The following EDA variants were observed in gnomAD, a reference collection of about 807,000 sequenced individuals.
The protein encoded by EDA is ectodysplasin A.
In EDA, 2 loss-of-function variants were observed where a neutral mutation model predicts 23.6. The ratio of observed to expected loss-of-function variants is 0.08; its 90% CI spans 0.03 to 0.27. The LOEUF is 0.27. Among genes scored for constraint, EDA ranks in the 10% least tolerant of loss-of-function variants. The probability of loss-of-function intolerance (pLI) is 1.00; values close to 1 mark genes in which losing one functional copy is unlikely to be tolerated. For missense variants in EDA, 229 were observed against 324.2 expected, an observed-to-expected ratio of 0.71 and a Z score of 2.26; for synonymous variants, 131 against 132.0, an observed-to-expected ratio of 0.99 and a Z score of 0.05.
At chrX:69,674,890 T>G (rs184687621) in intron 1 of EDA, among the ~76,000 whole-genome samples, 51 of 112,374 alleles carry the variant, frequency 4.5e-4, no homozygotes, top group African/African-American at 1.6e-3. Context: ...TTTGGTTCTC[T>G]TGTTGCCTCC....
chrX:69,955,831 A>G (rs1386484863), intron 1 of EDA, among the ~76,000 whole-genome samples: 1 of 111,962 alleles, frequency 8.9e-6, no homozygotes, highest in Non-Finnish European at 1.9e-5. Context: ...AGTAAGTGGC[A>G]GAGTTGGCAT....
At chrX:69,924,978 T>C (rs1313546476) in intron 1 of EDA, among the ~76,000 whole-genome samples, 2 of 111,844 alleles carry the variant, frequency 1.8e-5, no homozygotes, top group East Asian at 5.6e-4. Context: ...AAGGGAATGC[T>C]TGTGATTTTT....
chrX:69,680,804 G>A (rs1344922282), intron 1 of EDA, among the ~76,000 whole-genome samples: 3 of 101,380 alleles, frequency 3.0e-5, no homozygotes, highest in African/African-American at 1.1e-4. Context: ...TTTAATTGGA[G>A]CATTTAGTCC....
intron 1 of EDA, among the ~76,000 whole-genome samples, chrX:69,885,486 C>A (rs1222715151): frequency 2.7e-5 from 3 of 112,146 alleles, no homozygotes; most frequent in Non-Finnish European, 5.6e-5. Flanking sequence ...ATAATGTCTT[C>A]AAGGTTCATC....
intron 1 of EDA, among the ~76,000 whole-genome samples, chrX:69,895,658 AT>A (rs1340350921): frequency 1.8e-5 from 2 of 111,837 alleles, no homozygotes; most frequent in African/African-American, 6.5e-5. Flanking sequence ...ATTTCTCTTC[AT>A]TGTGCTCTAA....
intron 1 of EDA, among the ~76,000 whole-genome samples, chrX:69,810,562 G>A (rs1319083596): frequency 9.3e-6 from 1 of 108,054 alleles, no homozygotes; most frequent in Non-Finnish European, 1.9e-5. Context: ...TTTGAGACCA[G>A]CCTGGCCAAC....
intron 1 of EDA, among the ~76,000 whole-genome samples, chrX:69,821,673 G>A (rs917973368): frequency 8.9e-6 from 1 of 111,947 alleles, no homozygotes; most frequent in Non-Finnish European, 1.9e-5. Flanking sequence ...TGTGCATAAA[G>A]ATAAAGAATA....
chrX:69,793,473 T>C (rs1191818268), intron 1 of EDA, among the ~76,000 whole-genome samples: 5 of 109,225 alleles, frequency 4.6e-5, no homozygotes, highest in Non-Finnish European at 9.5e-5. Flanking sequence ...ACCCAGGTAC[T>C]TTCCGTCTTT....
At chrX:69,945,613 G>T (rs2018823058) in intron 1 of EDA, among the ~76,000 whole-genome samples, 1 of 111,756 alleles carries the variant, frequency 8.9e-6, no homozygotes, top group Non-Finnish European at 1.9e-5. Context: ...GTATAAAATT[G>T]ACTCTAATGA....
intron 1 of EDA, among the ~76,000 whole-genome samples, chrX:69,633,036 G>T (rs750325626): frequency 2.7e-5 from 3 of 111,361 alleles, no homozygotes; most frequent in Non-Finnish European, 5.7e-5. Context: ...TGAAAAGAGT[G>T]GAATAAACTT....
intron 1 of EDA, among the ~76,000 whole-genome samples, chrX:69,653,105 A>T (rs5936713): frequency 0.061 from 6,780 of 111,889 alleles, 206 homozygotes; most frequent in Middle Eastern, 0.098. Context: ...CTACCTACCC[A>T]TGAGCATGGA....
intron 1 of EDA, among the ~76,000 whole-genome samples, chrX:69,795,935 C>T (rs947218064): frequency 8.9e-5 from 10 of 111,949 alleles, no homozygotes; most frequent in African/African-American, 1.9e-4. Context: ...GGTCCACCAC[C>T]GTTAACACCT....
chrX:69,981,705 G>A (rs1301111369), intron 2 of EDA, among the ~76,000 whole-genome samples: 1 of 112,130 alleles, frequency 8.9e-6, no homozygotes, highest in African/African-American at 3.2e-5. Flanking sequence ...CTCACTTTAT[G>A]TGCTTTACAT....
chrX:69,966,109 T>C (rs1263684951), intron 2 of EDA, among the ~76,000 whole-genome samples: 1 of 111,994 alleles, frequency 8.9e-6, no homozygotes, highest in Admixed American at 9.5e-5. Flanking sequence ...CCTAAATACA[T>C]TAGCAACAAT....
intron 1 of EDA, among the ~76,000 whole-genome samples, chrX:69,902,244 C>T (rs1484354350): frequency 3.6e-5 from 4 of 111,550 alleles, no homozygotes; most frequent in African/African-American, 1.3e-4. Flanking sequence ...TTTCTTTCTC[C>T]ATCTCTCTGT....
chrX:69,845,410 G>A (rs1370699670), intron 1 of EDA, among the ~76,000 whole-genome samples: 1 of 111,962 alleles, frequency 8.9e-6, no homozygotes, highest in African/African-American at 3.2e-5. Context: ...TTGTCTCCCA[G>A]TGACTGATTA....
intron 1 of EDA, among the ~76,000 whole-genome samples, chrX:69,864,207 CCTG>C (rs1295292036): frequency 4.5e-5 from 5 of 111,517 alleles, no homozygotes; most frequent in Non-Finnish European, 9.4e-5. Context: ...ACTTCACTCC[CCTG>C]CTAACTCCAC....
chrX:69,971,511 T>C (rs2019247889), intron 2 of EDA, among the ~76,000 whole-genome samples: 1 of 111,832 alleles, frequency 8.9e-6, no homozygotes, highest in Admixed American at 9.5e-5. Context: ...CAGACATTTC[T>C]GGTTACAGCC....
chrX:69,860,470 T>A (rs2017358011), intron 1 of EDA, among the ~76,000 whole-genome samples: 1 of 111,622 alleles, frequency 9.0e-6, no homozygotes, highest in African/African-American at 3.3e-5. Flanking sequence ...TGACCTTATT[T>A]CTCCTTTGCT....
Sources: gnomAD v4.1 joint callset for allele counts (sites outside exome capture counted in the v4.1 genomes callset) on GRCh38, gnomAD v4.1.1 for gene constraint, MANE v1.5 for transcripts, NCBI Gene and HGNC (gene_info 2026-07-23, HGNC 2026-07-21) for gene names.